CROCC2: variants seen among roughly 807,000 people sequenced by gnomAD.
The protein encoded by CROCC2 is ciliary rootlet coiled-coil, rootletin family member 2.
A neutral mutation model predicts 177.6 loss-of-function variants in CROCC2; 163 were observed. The ratio of observed to expected loss-of-function variants is 0.92; its 90% CI spans 0.81 to 1.05. CROCC2 has a LOEUF of 1.05. Among genes scored for constraint, CROCC2 ranks in the 50% least tolerant of loss-of-function variants. The probability of loss-of-function intolerance (pLI) is 0.00; values close to 1 mark genes in which losing one functional copy is unlikely to be tolerated. For synonymous variants in CROCC2, 904 were observed against 787.3 expected, an observed-to-expected ratio of 1.15 and a Z score of -2.48; for missense variants, 1,929 against 1,797.8, an observed-to-expected ratio of 1.07 and a Z score of -1.32.
At chr2:240,965,615 A>G in intron 23 of CROCC2, 21 bp from the exon 24 acceptor site, 3 of 1,550,190 alleles carry the variant, frequency 1.9e-6, no homozygotes, top group Non-Finnish European at 2.6e-6. Context: ...CCACGGGCGC[A>G]CCCCAACATC....
intron 29 of CROCC2, 101 bp from the exon 30 acceptor site, chr2:240,989,553 G>T: frequency 8.5e-7 from 1 of 1,173,376 alleles, no homozygotes; most frequent in Non-Finnish European, 1.2e-6. Flanking sequence ...GGGCAGTGGG[G>T]CCCACAAGGA....
rs961915806 is a variant in CROCC2 at position 240,918,801 on chromosome 2, C to T, written c.154C>T (p.Gln52Ter). Residue 52 changes from glutamine (Q) to a stop codon, truncating the protein, a stop_gained, in exon 2 of 32, where the codon CAG (glutamine) becomes TAG (stop). Transcript: ENST00000690015. LOFTEE classifies it high-confidence loss of function. This position sits in a 1 kb window ranked among gnomAD's most constrained non-coding sequence, Gnocchi z 6.3. ...GCTGACCGTGCGTGGGGAAGGCCGG[C>T]AGGCCTCGCCCACCCCCGTGCCCAC... ...RALTVRGEGR[Q>*]ASPTPVPTRI... The T allele has an allele frequency of 6.6e-6, 4 of 603,294 alleles. No homozygotes were observed. The highest frequency in any genetic ancestry group is 2.0e-5 in the South Asian group (1 of 50,476). 37.4% of individuals were successfully genotyped at this position (603,294 alleles called of 1,614,324 possible). A position where few individuals can be genotyped will look rare whatever the true frequency, so the allele number is the denominator to read the frequency against.
At position 240,959,460 on chromosome 2, in the gene CROCC2, G is replaced by T; in HGVS notation, c.3087+16G>T. Reference sequence around the variant, plus strand: ...GGAGAGAGAGGTGAGAGGCAGGGCTGGGGGGCTCCTGGGGATGCCAGAGGA... The same window carrying T: ...GGAGAGAGAGGTGAGAGGCAGGGCTTGGGGGCTCCTGGGGATGCCAGAGGA... On this transcript the variant is annotated intron_variant, in intron 20 of 31. Coordinates refer to ENST00000690015, the MANE Select transcript of CROCC2 (RefSeq NM_001351305.2). 6.5e-7 allele frequency: 1 copy of T among 1,548,606 alleles called. No homozygotes were observed. The highest frequency in any genetic ancestry group is 1.2e-5 in the South Asian group (1 of 83,838).
chr2:240,932,746 C>A lies in CROCC2; in HGVS notation c.1089C>A (p.Ser363Arg). The A allele has an allele frequency of 9.9e-7, 1 of 1,009,828 alleles. No homozygotes were observed. The highest frequency in any genetic ancestry group is 1.5e-6 in the Non-Finnish European group (1 of 653,122). 62.6% of individuals were successfully genotyped at this position (1,009,828 alleles called of 1,614,324 possible). A position where few individuals can be genotyped will look rare whatever the true frequency, so the allele number is the denominator to read the frequency against. ...DARCLELAGS[S>R]ITELGEPRRP... ...GGTGCCTGGAGCTGGCAGGTAGCAG[C>A]ATCACTGAATTGGGGGAGCCACGGC... is the stretch of plus-strand genomic sequence containing the variant. Residue 363 changes from serine to arginine, a missense_variant, in exon 9 of 32, where the codon AGC (serine) becomes AGA (arginine). By Grantham distance (110) the Ser-to-Arg change is moderately radical. Around this residue, in one of 3 missense-constraint regions of CROCC2, gnomAD observed 1,397 missense variants for 1,239.9 expected, o/e 1.13. Coordinates refer to ENST00000690015, the MANE Select transcript of CROCC2 (RefSeq NM_001351305.2).
Position 240,920,128 on chromosome 2 carries a change from C to T in CROCC2, c.375C>T (p.Ser125=), listed in dbSNP as rs1026125604. 3.9e-5 allele frequency: 27 copies of T among 684,508 alleles called. No individual in the cohort carries two copies. Among genetic ancestry groups the T allele is most frequent in the Admixed American group, 1.7e-4 (8 of 47,376 alleles). The allele number at this position is 684,508 out of a possible 1,614,324, so 42.4% of individuals were successfully genotyped here. A position where few individuals can be genotyped will look rare whatever the true frequency, so the allele number is the denominator to read the frequency against. Residue 125 remains serine, a synonymous_variant, in exon 3 of 32, where the codon AGC becomes AGT. Transcript: ENST00000690015. Reference sequence around the variant, plus strand: ...TGGCCAGCAGGTGCCGTGTGGTCAGCGAGCAGGTGCGTGTGTGCAGCAGAC... The same window carrying T: ...TGGCCAGCAGGTGCCGTGTGGTCAGTGAGCAGGTGCGTGTGTGCAGCAGAC... The part of the protein sequence containing the change: ...DELASRCRVV[S]EQLQARLETT...
chr2:240,960,612 G>A lies in CROCC2; in HGVS notation c.3087+1168G>A, dbSNP rs535641590. Among the ~76,000 whole-genome samples the A allele has an allele frequency of 2.0e-5, 3 of 152,134 alleles. No individual in the cohort carries two copies. Among genetic ancestry groups the A allele is most frequent in the Admixed American group, 6.5e-5 (1 of 15,286 alleles). On this transcript the variant is annotated intron_variant, in intron 20 of 31. Coordinates refer to ENST00000690015, the MANE Select transcript of CROCC2 (RefSeq NM_001351305.2). This position sits in a 1 kb window ranked among gnomAD's most constrained non-coding sequence, Gnocchi z 5.0. ...GGGCCCACGGGGACGGGGCGACCTC[G>A]CACACTCCCTGGGCTGCTTGCCAAG...
Position 240,973,427 on chromosome 2 carries a change from G to C in CROCC2, c.4401+5165G>C, listed in dbSNP as rs1012782766. On this transcript the variant is annotated intron_variant, in intron 27 of 31. Transcript: ENST00000690015. The surrounding 1 kb of genome is among the most constrained non-coding windows in gnomAD (Gnocchi z 4.7). ...CACAGCCTCATGCCCGCTCAGAAAG[G>C]CCCCCCATGCCACCCTTGGACTGGC... Among the ~76,000 whole-genome samples the C allele has an allele frequency of 1.3e-5, 2 of 151,876 alleles. No individual in the cohort carries two copies. Among genetic ancestry groups the C allele is most frequent in the Admixed American group, 1.3e-4 (2 of 15,260 alleles).
At chr2:240,922,702 G>A in intron 4 of CROCC2, 57 bp downstream of exon 4, 1 of 525,590 alleles carries the variant, frequency 1.9e-6, no homozygotes, top group East Asian at 3.3e-5. Context: ...CCCCCCGAGA[G>A]GCAGTGGGAC....
At chr2:240,934,525 C>T in intron 12 of CROCC2, 50 bp downstream of exon 12, 1 of 1,508,142 alleles carries the variant, frequency 6.6e-7, no homozygotes. Context: ...TGCCCCCACC[C>T]ACCCTGGCCT....
chr2:240,909,343 G>T (rs967322879), intron 1 of CROCC2, among the ~76,000 whole-genome samples: 1 of 150,026 alleles, frequency 6.7e-6, no homozygotes, highest in Non-Finnish European at 1.5e-5. Flanking sequence ...TCCTCCACCT[G>T]GGGTGAGCTC....
At chr2:240,986,570 C>T (rs2059842166) in intron 28 of CROCC2, among the ~76,000 whole-genome samples, 1 of 152,232 alleles carries the variant, frequency 6.6e-6, no homozygotes, top group Admixed American at 6.5e-5. Context: ...CCACCTCCAG[C>T]GTCCTGGGGG....
chr2:240,966,792 G>A (rs1045879002), intron 25 of CROCC2, among the ~76,000 whole-genome samples: 1 of 152,126 alleles, frequency 6.6e-6, no homozygotes, highest in Non-Finnish European at 1.5e-5. Flanking sequence ...GCTCCCCAGT[G>A]GCTGCTCCTG....
At position 240,966,584 on chromosome 2, in the gene CROCC2, G is replaced by A. The variant is rs796095861; in HGVS notation, c.4146+175G>A. Among the ~76,000 whole-genome samples, 7 of 152,218 alleles carry A rather than the reference G, an allele frequency of 4.6e-5. 2 individuals are homozygous for A. The highest frequency in any genetic ancestry group is 1.4e-4 in the African/African-American group (6 of 41,538). On this transcript the variant is annotated intron_variant, in intron 25 of 31. Coordinates refer to ENST00000690015, the MANE Select transcript of CROCC2 (RefSeq NM_001351305.2). ...TGGCCCCCAAGCCCAAGTGCCTTGG[G>A]TGGCTGGAGGCCGCCCCCTTCCTTA...
chr2:240,948,894 A>T, intron 15 of CROCC2, 85 bp from the exon 16 acceptor site: 1 of 1,279,828 alleles, frequency 7.8e-7, no homozygotes, highest in Non-Finnish European at 1.1e-6. Flanking sequence ...GCTGAGTCTC[A>T]TTAACACCTG....
rs969403198 is a variant in CROCC2, at chr2:240,953,538, A to C, written c.2830-2321A>C. On this transcript the variant is annotated intron_variant, in intron 18 of 31. Coordinates refer to ENST00000690015, the MANE Select transcript of CROCC2 (RefSeq NM_001351305.2). The surrounding 1 kb of genome is among the most constrained non-coding windows in gnomAD (Gnocchi z 4.0). ...GGGGCACCCCAGGGGCACAGCACAGACGGGCTGGCCTGTGGGGAGCCCTTG... is the reference window on the plus strand; with the variant it reads ...GGGGCACCCCAGGGGCACAGCACAGCCGGGCTGGCCTGTGGGGAGCCCTTG... Among the ~76,000 whole-genome samples, 1 of 152,158 alleles carries C rather than the reference A, an allele frequency of 6.6e-6. No homozygotes were observed. The highest frequency in any genetic ancestry group is 1.5e-5 in the Non-Finnish European group (1 of 68,032).
Position 240,965,993 on chromosome 2 carries a change from G to A in CROCC2, c.3961G>A (p.Gly1321Ser), listed in dbSNP as rs1044792824. Residue 1321 changes from glycine to serine, a missense_variant and splice_region_variant, in exon 24 of 32, where the codon GGC (glycine) becomes AGC (serine). Gly to Ser is a moderately conservative substitution (Grantham distance 56). This residue lies in a region of CROCC2 where 388 missense variants were observed against 352.7 expected (regional missense o/e 1.10). Transcript: ENST00000690015. ...GGAGCAGCCTGGTTCCCCCACCAAA[G>A]GTCAGAGTCCTCAGTGGAGGCAGGC... ...SPEQPGSPTK[G>S]SDSSQALPGQ... 1.5e-6 allele frequency: 2 copies of A among 1,362,976 alleles called. No individual in the cohort carries two copies. Among genetic ancestry groups the A allele is most frequent in the African/African-American group, 3.0e-5 (2 of 67,056 alleles). The allele number at this position is 1,362,976 out of a possible 1,614,324, so 84.4% of individuals were successfully genotyped here.
chr2:240,965,596 C>CA, intron 23 of CROCC2, 40 bp from the exon 24 acceptor site: 1 of 1,549,600 alleles, frequency 6.5e-7, no homozygotes, highest in Non-Finnish European at 8.7e-7. Flanking sequence ...CCCACTTCCT[C>CA]ACTGTCTCCC....
At position 240,930,925 on chromosome 2, in the gene CROCC2, T is replaced by C; in HGVS notation, c.750-6T>C. On this transcript the variant is annotated splice_region_variant and splice_polypyrimidine_tract_variant and intron_variant, in intron 6 of 31. Transcript: ENST00000690015. ...GTCCGCCACAGATGCTGCCCTTGTC[T>C]CCCAGGGGCCTCGCTGACCTGCAGG... 1.4e-6 allele frequency: 1 copy of C among 705,282 alleles called. No individual in the cohort carries two copies. The highest frequency in any genetic ancestry group is 2.6e-6 in the Non-Finnish European group (1 of 378,232). The allele number at this position is 705,282 out of a possible 1,614,324, so 43.7% of individuals were successfully genotyped here.
At chr2:240,909,499 C>T (rs541009460) in intron 1 of CROCC2, among the ~76,000 whole-genome samples, 48 of 152,364 alleles carry the variant, frequency 3.2e-4, no homozygotes, top group African/African-American at 1.1e-3. Flanking sequence ...ACACTTGCAG[C>T]CCTGTGAGGA....
Sources: gnomAD v4.1 joint callset for allele counts (sites outside exome capture counted in the v4.1 genomes callset) on GRCh38, gnomAD v4.1.1 for gene constraint, gnomAD v4.1.1 regional missense constraint, Gnocchi (gnomAD v3.1) non-coding constraint, MANE v1.5 for transcripts, NCBI Gene and HGNC (gene_info 2026-07-23, HGNC 2026-07-21) for gene names.